IREB2: variants seen among roughly 807,000 people sequenced by gnomAD.
IREB2 encodes the protein iron-responsive element-binding protein 2.
Under a neutral mutation model 118.8 loss-of-function variants are expected in IREB2, and 39 were observed. The ratio of observed to expected loss-of-function variants is 0.33; its 90% CI spans 0.25 to 0.43. The LOEUF is 0.43. IREB2 is among the 20% of genes least tolerant of loss of function. The pLI is 1.00. For missense variants in IREB2, 900 were observed against 1,147.3 expected, an observed-to-expected ratio of 0.78 and a Z score of 3.11; for synonymous variants, 372 against 392.2, an observed-to-expected ratio of 0.95 and a Z score of 0.61.
intron 10 of IREB2, among the ~76,000 whole-genome samples, chr15:78,480,707 T>A (rs1002510346): frequency 9.7e-4 from 33 of 33,976 alleles, no homozygotes; most frequent in Admixed American, 1.1e-3. Context: ...AAAAAAAAAA[T>A]GTCTGGCCGG....
At chr15:78,479,322 T>C (rs182724225) in intron 10 of IREB2, among the ~76,000 whole-genome samples, 159 of 152,158 alleles carry the variant, frequency 1.0e-3, no homozygotes, top group Middle Eastern at 6.8e-3. Context: ...GTGCTTTTGT[T>C]TTATTCATTA....
At chr15:78,450,645 C>G (rs994645745) in intron 2 of IREB2, among the ~76,000 whole-genome samples, 9 of 152,154 alleles carry the variant, frequency 5.9e-5, no homozygotes, top group African/African-American at 1.7e-4. Flanking sequence ...GGAGTGACAG[C>G]TCAATATATG....
intron 2 of IREB2, among the ~76,000 whole-genome samples, chr15:78,447,510 T>C (rs573159332): frequency 6.6e-6 from 1 of 152,274 alleles, no homozygotes; most frequent in South Asian, 2.1e-4. Context: ...TTTGTATTTT[T>C]AGTAGAGATG....
chr15:78,438,055 C>T, upstream of IREB2: 2 of 489,200 alleles, frequency 4.1e-6, no homozygotes, highest in Non-Finnish European at 7.4e-6. Flanking sequence ...GCTCCGCCCC[C>T]GCTCGCGAGA....
intron 8 of IREB2, 118 bp from the exon 9 acceptor site, chr15:78,476,070 A>C: frequency 1.1e-5 from 7 of 612,882 alleles, no homozygotes; most frequent in Non-Finnish European, 1.1e-5. Flanking sequence ...ACAATGAAGG[A>C]TCTCATTCCT....
At chr15:78,439,671 G>C (rs2050814795) in intron 1 of IREB2, 124 bp from the exon 2 acceptor site, 3 of 619,734 alleles carry the variant, frequency 4.8e-6, no homozygotes, top group Admixed American at 6.2e-5. Context: ...TTACTGGACA[G>C]CTCAAACATA....
At chr15:78,445,877 C>T (rs541932708) in intron 2 of IREB2, among the ~76,000 whole-genome samples, 31 of 152,234 alleles carry the variant, frequency 2.0e-4, no homozygotes, top group African/African-American at 7.0e-4. Context: ...CTGGACCTCC[C>T]GGGCTCAAGT....
chr15:78,447,179 C>T (rs935933777), intron 2 of IREB2, among the ~76,000 whole-genome samples: 68 of 137,164 alleles, frequency 5.0e-4, no homozygotes, highest in African/African-American at 1.5e-3. Flanking sequence ...TTCTTTCTTT[C>T]TTTTTTTTTT....
At chr15:78,468,077 C>T (rs1487832219) in intron 5 of IREB2, among the ~76,000 whole-genome samples, 1 of 152,178 alleles carries the variant, frequency 6.6e-6, no homozygotes, top group Non-Finnish European at 1.5e-5. Flanking sequence ...TGGTCTCGAA[C>T]TCCTGGCCTC....
chr15:78,470,606 A>G lies in IREB2; in HGVS notation c.699+5A>G, dbSNP rs2051359105. ...GAGAGGCTTCAGTTTTTTAAGGTAT[A>G]AATGATTCAGGGAAATTTTTGTATT... is the stretch of plus-strand genomic sequence containing the variant. On this transcript the variant is annotated splice_donor_5th_base_variant and intron_variant, in intron 6 of 21. Coordinates refer to ENST00000258886, the MANE Select transcript of IREB2 (RefSeq NM_004136.4). 2 of 1,541,862 alleles carry G rather than the reference A, an allele frequency of 1.3e-6. No homozygotes were observed. The highest frequency in any genetic ancestry group is 8.9e-7 in the Non-Finnish European group (1 of 1,128,778).
chr15:78,449,028 A>C (rs2050978138), intron 2 of IREB2, among the ~76,000 whole-genome samples: 1 of 152,208 alleles, frequency 6.6e-6, no homozygotes, highest in Non-Finnish European at 1.5e-5. Flanking sequence ...CACGGAAGAT[A>C]GTTTTAAATC....
At chr15:78,454,122 A>C (rs2051068677) in intron 2 of IREB2, among the ~76,000 whole-genome samples, 1 of 152,226 alleles carries the variant, frequency 6.6e-6, no homozygotes, top group South Asian at 2.1e-4. Flanking sequence ...TTTGGGAAAC[A>C]ATTTGGCAGT....
rs556501396 is a variant in IREB2 at position 78,500,388 on chromosome 15, T to C, written c.*2245T>C. Reference sequence around the variant, plus strand: ...AAAACTTGATAAACATGGTTTCAAATTGAGGAGGAGAGTCTTGGATGTATG... The same window carrying C: ...AAAACTTGATAAACATGGTTTCAAACTGAGGAGGAGAGTCTTGGATGTATG... On this transcript the variant is annotated 3_prime_UTR_variant, in exon 22 of 22. Transcript: ENST00000258886. The C allele has an allele frequency of 1.3e-5, 2 of 152,300 alleles. No homozygotes were observed. Among genetic ancestry groups the C allele is most frequent in the African/African-American group, 4.8e-5 (2 of 41,572 alleles). 9.4% of individuals were successfully genotyped at this position (152,300 alleles called of 1,614,324 possible).
chr15:78,480,397 T>G (rs2141504856), intron 10 of IREB2: 2 of 152,298 alleles, frequency 1.3e-5, no homozygotes, highest in Middle Eastern at 6.8e-3. Context: ...TAAAAACCCT[T>G]GGCCAGGTGC....
At chr15:78,450,661 C>G (rs909487240) in intron 2 of IREB2, among the ~76,000 whole-genome samples, 1 of 152,132 alleles carries the variant, frequency 6.6e-6, no homozygotes, top group Non-Finnish European at 1.5e-5. Flanking sequence ...ATATGACCCT[C>G]GAGGCAGCTT....
chr15:78,478,043 C>A (rs1049616059), intron 9 of IREB2, among the ~76,000 whole-genome samples: 5 of 147,334 alleles, frequency 3.4e-5, no homozygotes, highest in Non-Finnish European at 7.5e-5. Flanking sequence ...TCAAAAAAAA[C>A]AAGACCCTCC....
In IREB2 at chr15:78,438,252, C is replaced by T. The variant is rs1306215625; in HGVS notation, c.-86C>T. On this transcript the variant is annotated 5_prime_UTR_variant, in exon 1 of 22. Coordinates refer to ENST00000258886, the MANE Select transcript of IREB2 (RefSeq NM_004136.4). ...CTTCTTTCCTCCCTTGCCAGTCCGC[C>T]TGTCTTCCTCCCCGTCTTCCCTGCC... is the stretch of plus-strand genomic sequence containing the variant. The T allele has an allele frequency of 7.6e-6, 8 of 1,057,250 alleles. No individual in the cohort carries two copies. The highest frequency in any genetic ancestry group is 3.1e-5 in the African/African-American group (2 of 63,682). The allele number at this position is 1,057,250 out of a possible 1,614,324, so 65.5% of individuals were successfully genotyped here.
intron 2 of IREB2, among the ~76,000 whole-genome samples, chr15:78,443,965 A>C (rs969451835): frequency 4.6e-5 from 7 of 152,232 alleles, no homozygotes; most frequent in Admixed American, 4.6e-4. Flanking sequence ...GAATCTCTTT[A>C]ATATTCTGGA....
At chr15:78,463,133 T>G (rs2051224547) in intron 3 of IREB2, 46 bp downstream of exon 3, 1 of 1,476,684 alleles carries the variant, frequency 6.8e-7, no homozygotes, top group Non-Finnish European at 9.2e-7. Flanking sequence ...TAGAGTGTGT[T>G]TCCTTTTTAA....
Sources: allele counts gnomAD v4.1 joint callset (sites outside exome capture counted in the v4.1 genomes callset), GRCh38; gene constraint gnomAD v4.1.1; transcripts MANE v1.5; gene names NCBI Gene and HGNC (gene_info 2026-07-23, HGNC 2026-07-21).